KDM4C: variants seen among roughly 807,000 people sequenced by gnomAD.
The protein encoded by KDM4C is lysine demethylase 4C.
In KDM4C, 81 loss-of-function variants were observed where a neutral mutation model predicts 129.3. That is an observed-to-expected ratio of 0.63 (90% CI 0.52 to 0.75). The LOEUF is 0.75. Among genes scored for constraint, KDM4C ranks in the 30% least tolerant of loss-of-function variants. The pLI is 0.00. For missense variants in KDM4C, 1,457 were observed against 1,304.0 expected (o/e 1.12, Z -1.81); for synonymous variants, 573 against 456.1 (o/e 1.26, Z -3.26).
chr9:7,038,162 CA>C (rs1473747844), intron 15 of KDM4C, among the ~76,000 whole-genome samples: 1 of 152,010 alleles, frequency 6.6e-6, no homozygotes, highest in Non-Finnish European at 1.5e-5. Flanking sequence ...TACCCACAGT[CA>C]CATTAATTTT....
At chr9:6,836,425 A>G (rs530261716) in intron 4 of KDM4C, among the ~76,000 whole-genome samples, 1 of 152,322 alleles carries the variant, frequency 6.6e-6, no homozygotes, top group South Asian at 2.1e-4. Context: ...TGATTTATAT[A>G]TGTACAATAT....
intron 1 of KDM4C, among the ~76,000 whole-genome samples, chr9:6,773,487 A>G (rs769638038): frequency 2.6e-5 from 4 of 152,146 alleles, no homozygotes; most frequent in African/African-American, 4.8e-5. Flanking sequence ...ATAGGTATTC[A>G]TAGGCCAGGC....
At chr9:6,820,796 G>T (rs951667826) in intron 4 of KDM4C, among the ~76,000 whole-genome samples, 1 of 146,842 alleles carries the variant, frequency 6.8e-6, no homozygotes. Flanking sequence ...AGGTATACAT[G>T]TGCCATGTTG....
At chr9:7,121,720 A>G (rs10114363) in intron 18 of KDM4C, among the ~76,000 whole-genome samples, 6,303 of 151,940 alleles carry the variant, frequency 0.041, 397 homozygotes, top group African/African-American at 0.14. Context: ...AACCCTGTGG[A>G]TATATTGGGG....
At chr9:7,171,792 A>T (rs1439852340) in intron 21 of KDM4C, among the ~76,000 whole-genome samples, 1 of 152,156 alleles carries the variant, frequency 6.6e-6, no homozygotes, top group Non-Finnish European at 1.5e-5. Flanking sequence ...TTCACTGAAC[A>T]AGCTCACCAA....
At chr9:6,925,990 C>T (rs954395402) in intron 8 of KDM4C, among the ~76,000 whole-genome samples, 1 of 152,140 alleles carries the variant, frequency 6.6e-6, no homozygotes, top group Non-Finnish European at 1.5e-5. Flanking sequence ...ACCCTGGATT[C>T]CTCTTCCCTG....
In KDM4C at chr9:7,136,571, A is replaced by G. The variant is rs73403370; in HGVS notation, c.2781+8335A>G. ...ACGGTATTGTAATTTATGTTTCCCT[A>G]TTGACTAATGATTTGAGCATCTTTT... On this transcript the variant is annotated intron_variant, in intron 19 of 21. Coordinates refer to ENST00000381309, the MANE Select transcript of KDM4C (RefSeq NM_015061.6). Among the ~76,000 whole-genome samples the G allele has an allele frequency of 7.8e-3, 1,189 of 152,324 alleles. 15 individuals carry two copies. Among genetic ancestry groups the G allele is most frequent in the African/African-American group, 0.027 (1,130 of 41,564 alleles).
At chr9:6,944,847 C>T (rs1473187345) in intron 8 of KDM4C, among the ~76,000 whole-genome samples, 2 of 151,822 alleles carry the variant, frequency 1.3e-5, no homozygotes, top group East Asian at 3.9e-4. Context: ...GATCTGGTAT[C>T]TTCATTTTAG....
intron 19 of KDM4C, among the ~76,000 whole-genome samples, chr9:7,160,326 A>G (rs1843651014): frequency 6.6e-6 from 1 of 152,106 alleles, no homozygotes; most frequent in African/African-American, 2.4e-5. Context: ...TCTGAAGCCT[A>G]TTCTGTCAAC....
At chr9:6,870,450 T>C (rs150905657) in intron 5 of KDM4C, among the ~76,000 whole-genome samples, 2,584 of 152,150 alleles carry the variant, frequency 0.017, 31 homozygotes, top group Non-Finnish European at 0.029. Flanking sequence ...AGTGAAGAGA[T>C]GCCTGTAAGG....
At chr9:7,029,293 GT>G (rs59185392) in intron 15 of KDM4C, among the ~76,000 whole-genome samples, 21,871 of 141,556 alleles carry the variant, frequency 0.15, 1,801 homozygotes, top group East Asian at 0.27. Context: ...TCCCCCCACC[GT>G]TTTTTTTTTT....
intron 1 of KDM4C, among the ~76,000 whole-genome samples, chr9:6,765,676 A>G (rs978233653): frequency 7.2e-5 from 11 of 152,236 alleles, no homozygotes; most frequent in African/African-American, 2.7e-4. Context: ...CTGTAAAACC[A>G]GGACACGCAT....
chr9:6,824,381 C>G (rs1039231116), intron 4 of KDM4C, among the ~76,000 whole-genome samples: 4 of 152,096 alleles, frequency 2.6e-5, no homozygotes, highest in South Asian at 4.1e-4. Flanking sequence ...GCAAGATGGT[C>G]TAGTTACAGC....
intron 8 of KDM4C, among the ~76,000 whole-genome samples, chr9:6,913,846 A>G (rs191517436): frequency 6.6e-6 from 1 of 152,230 alleles, no homozygotes; most frequent in East Asian, 1.9e-4. Context: ...AGTTTCTGAT[A>G]GTTTATGCGG....
intron 19 of KDM4C, among the ~76,000 whole-genome samples, chr9:7,162,406 A>G (rs1843898179): frequency 6.6e-6 from 1 of 152,238 alleles, no homozygotes; most frequent in Non-Finnish European, 1.5e-5. Flanking sequence ...GGCACTGCCA[A>G]TGCTGGATTA....
chr9:6,748,376 A>G (rs1382663513), intron 1 of KDM4C, among the ~76,000 whole-genome samples: 1 of 151,794 alleles, frequency 6.6e-6, no homozygotes, highest in African/African-American at 2.4e-5. Flanking sequence ...GAGTGGTGGC[A>G]CATGCCTGTA....
At position 6,799,117 on chromosome 9, in the gene KDM4C, A is replaced by C. The variant is rs561929412; in HGVS notation, c.144+5985A>C. 1.7e-3 allele frequency among the ~76,000 whole-genome samples: 261 copies of C among 151,734 alleles called. 1 individual carries two copies. The highest frequency in any genetic ancestry group is 5.5e-3 in the African/African-American group (226 of 41,258). ...GGCAGAGGGGCTCCTCACGTCCCAG[A>C]CGATGGGCGGCCAGGCAGAGACACT... On this transcript the variant is annotated intron_variant, in intron 2 of 21. Coordinates refer to ENST00000381309, the MANE Select transcript of KDM4C (RefSeq NM_015061.6).
intron 17 of KDM4C, among the ~76,000 whole-genome samples, chr9:7,051,675 T>C (rs1486562793): frequency 6.6e-6 from 1 of 152,168 alleles, no homozygotes; most frequent in African/African-American, 2.4e-5. Flanking sequence ...AGTGTCAGTT[T>C]CAATATTTTT....
chr9:7,001,941 G>A (rs1448025423), intron 12 of KDM4C, among the ~76,000 whole-genome samples: 1 of 152,126 alleles, frequency 6.6e-6, no homozygotes, highest in Non-Finnish European at 1.5e-5. Flanking sequence ...TGCCTACACT[G>A]GTGTGCAGTG....
Sources: gnomAD v4.1 joint callset for allele counts (sites outside exome capture counted in the v4.1 genomes callset) on GRCh38, gnomAD v4.1.1 for gene constraint, MANE v1.5 for transcripts, NCBI Gene and HGNC (gene_info 2026-07-23, HGNC 2026-07-21) for gene names.